Variants in CDH13 observed in about 807,000 individuals in gnomAD.
The protein encoded by CDH13 is cadherin 13.
A neutral mutation model predicts 63.8 loss-of-function variants in CDH13; 24 were observed. That is an observed-to-expected ratio of 0.38 (90% CI 0.27 to 0.53). CDH13 has a LOEUF of 0.53. CDH13 is among the 20% of genes least tolerant of loss of function. The pLI is 0.85. For missense variants in CDH13, 1,049 were observed against 903.1 expected, an observed-to-expected ratio of 1.16 and a Z score of -2.07; for synonymous variants, 503 against 355.3, an observed-to-expected ratio of 1.42 and a Z score of -4.67.
intron 3 of CDH13, among the ~76,000 whole-genome samples, chr16:83,104,738 G>C (rs953824796): frequency 6.6e-6 from 1 of 152,130 alleles, no homozygotes; most frequent in Non-Finnish European, 1.5e-5. Context: ...TTGAACAAAG[G>C]GGGCAATTGA....
intron 1 of CDH13, among the ~76,000 whole-genome samples, chr16:82,749,216 C>T (rs570223155): frequency 2.0e-5 from 3 of 151,960 alleles, no homozygotes; most frequent in Non-Finnish European, 1.5e-5. Context: ...AGTGACAGAC[C>T]TTACGGTGTT....
At chr16:82,801,844 C>T (rs1303546610) in intron 1 of CDH13, among the ~76,000 whole-genome samples, 2 of 152,208 alleles carry the variant, frequency 1.3e-5, no homozygotes, top group Admixed American at 6.5e-5. Context: ...TTCGTGCCAA[C>T]TCCTGGTGTC....
intron 7 of CDH13, among the ~76,000 whole-genome samples, chr16:83,554,800 C>G (rs1280790484): frequency 6.6e-6 from 1 of 152,178 alleles, no homozygotes; most frequent in Admixed American, 6.5e-5. Flanking sequence ...ACTTCAAAGC[C>G]ATTATGTAAT....
rs1038992953 is a variant in CDH13 at position 83,798,542 on chromosome 16, C to T, written c.*3512C>T. On this transcript the variant is annotated 3_prime_UTR_variant, in exon 14 of 14. Transcript: ENST00000567109. ...CTCACAGATAAAGAAGGCTGAGGCT[C>T]AGAAAAATTGAATGGCTTGCCCAAG... 3.3e-5 allele frequency: 5 copies of T among 152,184 alleles called. No homozygotes were observed. The highest frequency in any genetic ancestry group is 1.2e-4 in the African/African-American group (5 of 41,434). The allele number at this position is 152,184 out of a possible 1,614,324, so 9.4% of individuals were successfully genotyped here.
intron 6 of CDH13, among the ~76,000 whole-genome samples, chr16:83,436,442 C>G (rs6563907): frequency 0.85 from 129,679 of 151,974 alleles, 55,732 homozygotes; most frequent in East Asian, 1. Context: ...GTGCCTCAAG[C>G]CTGGGTGACA....
intron 2 of CDH13, among the ~76,000 whole-genome samples, chr16:82,875,330 C>A (rs555753668): frequency 9.9e-5 from 15 of 152,246 alleles, no homozygotes; most frequent in African/African-American, 3.6e-4. Context: ...GCTATAATTA[C>A]AATATGATGA....
At chr16:83,121,624 C>T (rs118088557) in intron 3 of CDH13, among the ~76,000 whole-genome samples, 2,760 of 152,308 alleles carry the variant, frequency 0.018, 44 homozygotes, top group Non-Finnish European at 0.028. Flanking sequence ...CTAACAAACC[C>T]AAATGTAACT....
intron 4 of CDH13, among the ~76,000 whole-genome samples, chr16:83,147,720 T>A (rs1239361955): frequency 6.6e-6 from 1 of 152,088 alleles, no homozygotes; most frequent in Non-Finnish European, 1.5e-5. Flanking sequence ...CACCCCTAGG[T>A]TGCTACACAT....
chr16:83,788,207 A>G (rs466873), intron 13 of CDH13, among the ~76,000 whole-genome samples: 85,593 of 151,958 alleles, frequency 0.56, 24,795 homozygotes, highest in African/African-American at 0.65. Flanking sequence ...TTTGAAGAAC[A>G]AAGGCACTGC....
intron 10 of CDH13, among the ~76,000 whole-genome samples, chr16:83,704,809 A>G (rs1048978314): frequency 6.6e-6 from 1 of 152,246 alleles, no homozygotes; most frequent in Non-Finnish European, 1.5e-5. Context: ...GTAACTTAAT[A>G]ATAAGGCTCC....
intron 2 of CDH13, among the ~76,000 whole-genome samples, chr16:82,902,388 GAAA>G (rs61241730): frequency 1.4e-5 from 2 of 138,170 alleles, no homozygotes; most frequent in South Asian, 4.7e-4. Flanking sequence ...CAGGTTAGGA[GAAA>G]AAAAAAAAAA....
intron 13 of CDH13, among the ~76,000 whole-genome samples, chr16:83,789,549 A>G (rs1394996735): frequency 6.6e-6 from 1 of 151,948 alleles, no homozygotes; most frequent in Non-Finnish European, 1.5e-5. Flanking sequence ...GGGTTTCGCC[A>G]TGTTGGCCAG....
chr16:83,487,872 G>C (rs1384571070), intron 7 of CDH13, among the ~76,000 whole-genome samples: 4 of 152,218 alleles, frequency 2.6e-5, no homozygotes, highest in Non-Finnish European at 5.9e-5. Context: ...TTTCTCAAGA[G>C]ATTCTGGATT....
chr16:82,845,072 T>C (rs1476559316), intron 1 of CDH13, among the ~76,000 whole-genome samples: 1 of 151,916 alleles, frequency 6.6e-6, no homozygotes, highest in Admixed American at 6.6e-5. Context: ...CAGGTACAGG[T>C]AGTTTTCTTT....
rs558285957 is a variant in CDH13, at chr16:83,748,352, G to C, written c.1681+102G>C. The C allele has an allele frequency of 9.0e-5, 95 of 1,057,904 alleles. No individual in the cohort carries two copies. In the African/African-American group the frequency reaches 1.4e-3, roughly 15 times the overall value. 65.5% of individuals were successfully genotyped at this position (1,057,904 alleles called of 1,614,324 possible). A position where few individuals can be genotyped will look rare whatever the true frequency, so the allele number is the denominator to read the frequency against. On this transcript the variant is annotated intron_variant, in intron 11 of 13. Transcript: ENST00000567109. ...ATACACCCAGGGGTGTTCTTGGGAA[G>C]AATGTAAGTGTGTGGGAACAGCAAA...
chr16:82,684,217 C>T (rs904668786), intron 1 of CDH13, among the ~76,000 whole-genome samples: 12 of 152,194 alleles, frequency 7.9e-5, no homozygotes, highest in Non-Finnish European at 4.4e-5. Context: ...TGAGGCAGAT[C>T]CCTAGAGCTC....
At chr16:82,955,179 G>A (rs1022898934) in intron 2 of CDH13, among the ~76,000 whole-genome samples, 1 of 152,104 alleles carries the variant, frequency 6.6e-6, no homozygotes, top group African/African-American at 2.4e-5. Flanking sequence ...AACCTTTTGA[G>A]GAACTGCCAG....
intron 6 of CDH13, among the ~76,000 whole-genome samples, chr16:83,478,037 C>A (rs1213987422): frequency 6.6e-6 from 1 of 151,756 alleles, no homozygotes; most frequent in Non-Finnish European, 1.5e-5. Context: ...AAAAATTAGC[C>A]AGGCTTGGTG....
At chr16:82,770,602 T>A (rs574480697) in intron 1 of CDH13, among the ~76,000 whole-genome samples, 2 of 152,368 alleles carry the variant, frequency 1.3e-5, no homozygotes, top group South Asian at 2.1e-4. Flanking sequence ...CATAGACAGA[T>A]GTCATTTCAT....
Sources: allele counts gnomAD v4.1 joint callset (sites outside exome capture counted in the v4.1 genomes callset), GRCh38; gene constraint gnomAD v4.1.1; transcripts MANE v1.5; gene names NCBI Gene and HGNC (gene_info 2026-07-23, HGNC 2026-07-21).